ATP5F1E: variants seen among roughly 807,000 people sequenced by gnomAD.
ATP5F1E encodes the protein ATP synthase F(1) complex subunit epsilon, mitochondrial.
Under a neutral mutation model 7.0 loss-of-function variants are expected in ATP5F1E, and 5 were observed. That is an observed-to-expected ratio of 0.71 (90% CI 0.37 to 1.49). The LOEUF (loss-of-function observed/expected upper bound fraction) is 1.49, where lower values mean the gene tolerates loss of function less well. ATP5F1E is among the 40% of genes most tolerant of loss of function. The probability of loss-of-function intolerance (pLI) is 0.03; values close to 1 mark genes in which losing one functional copy is unlikely to be tolerated. For missense variants in ATP5F1E, 59 were observed against 57.1 expected (o/e 1.03, Z -0.11); for synonymous variants, 20 against 20.1 (o/e 0.99, Z 0.02).
At position 59,027,891 on chromosome 20, in the gene ATP5F1E, G is replaced by A. The variant is rs554669166; in HGVS notation, c.*954C>T. ...CAGTGGCCCTGATAAATCATTGTGA[G>A]CTTAAGTACCATGTGAGAACTGATC... is the stretch of plus-strand genomic sequence containing the variant. On this transcript the variant is annotated 3_prime_UTR_variant, in exon 3 of 3. Coordinates refer to ENST00000243997, the MANE Select transcript of ATP5F1E (RefSeq NM_006886.4). 4 of 152,336 alleles carry A rather than the reference G, an allele frequency of 2.6e-5. No homozygotes were observed. Among genetic ancestry groups the A allele is most frequent in the African/African-American group, 9.6e-5 (4 of 41,576 alleles). 9.4% of individuals were successfully genotyped at this position (152,336 alleles called of 1,614,324 possible).
rs1039584741 is a variant in ATP5F1E, at chr20:59,028,726, A to G, written c.*119T>C. 6.0e-6 allele frequency: 1 copy of G among 167,312 alleles called. No individual in the cohort carries two copies. Among genetic ancestry groups the G allele is most frequent in the Non-Finnish European group, 1.5e-5 (1 of 68,278 alleles). The allele number at this position is 167,312 out of a possible 1,614,324, so 10.4% of individuals were successfully genotyped here. A position where few individuals can be genotyped will look rare whatever the true frequency, so the allele number is the denominator to read the frequency against. On this transcript the variant is annotated 3_prime_UTR_variant, in exon 3 of 3. Transcript: ENST00000243997. ...TTCAATTTATTGACATTGTCAATTTATGAACAAGACAGGATTTTTTTTTTT... is the reference window on the plus strand; with the variant it reads ...TTCAATTTATTGACATTGTCAATTTGTGAACAAGACAGGATTTTTTTTTTT...
In ATP5F1E at chr20:59,028,816, G is replaced by A. The variant is rs1191079874; in HGVS notation, c.*29C>T. On this transcript the variant is annotated 3_prime_UTR_variant, in exon 3 of 3. Coordinates refer to ENST00000243997, the MANE Select transcript of ATP5F1E (RefSeq NM_006886.4). Reference sequence around the variant, plus strand: ...GCCCACACATCTTCACCTTGGAAATGTAGCATTTCAAGCTTTAGTCAGGGT... The same window carrying A: ...GCCCACACATCTTCACCTTGGAAATATAGCATTTCAAGCTTTAGTCAGGGT... 6.0e-6 allele frequency: 1 copy of A among 167,106 alleles called. No homozygotes were observed. Among genetic ancestry groups the A allele is most frequent in the Non-Finnish European group, 1.5e-5 (1 of 68,252 alleles). 10.4% of individuals were successfully genotyped at this position (167,106 alleles called of 1,614,324 possible). A position where few individuals can be genotyped will look rare whatever the true frequency, so the allele number is the denominator to read the frequency against.
Position 59,032,265 on chromosome 20 carries a change from C to A in ATP5F1E, c.-14G>T, listed in dbSNP as rs1347128527. ...GTAGGCCACCATGCTGTAGCGAAAG[C>A]GGAGCTCGTCGGGCCGAATCGCCAA... is the stretch of plus-strand genomic sequence containing the variant. On this transcript the variant is annotated 5_prime_UTR_variant, in exon 1 of 3. Transcript: ENST00000243997. 1.9e-6 allele frequency: 3 copies of A among 1,599,224 alleles called. No individual in the cohort carries two copies. The Admixed American group carries it at 5.2e-5, about 28-fold the overall frequency.
At chr20:59,032,151 T>G (rs1280500057) in intron 1 of ATP5F1E, 69 bp downstream of exon 1, 4 of 1,550,634 alleles carry the variant, frequency 2.6e-6, no homozygotes, top group South Asian at 2.4e-5. Flanking sequence ...GTGTCCTGCA[T>G]GACCTCTGGG....
In ATP5F1E at chr20:59,027,327, C is replaced by T. The variant is rs2146380281; in HGVS notation, c.*1518G>A. 1 of 152,146 alleles carries T rather than the reference C, an allele frequency of 6.6e-6. No individual in the cohort carries two copies. The highest frequency in any genetic ancestry group is 2.4e-5 in the African/African-American group (1 of 41,478). 9.4% of individuals were successfully genotyped at this position (152,146 alleles called of 1,614,324 possible). On this transcript the variant is annotated 3_prime_UTR_variant, in exon 3 of 3. Coordinates refer to ENST00000243997, the MANE Select transcript of ATP5F1E (RefSeq NM_006886.4). ...AATAATCTGCCAATATACTACCAAT[C>T]TACCATACCATCTATATACCAGTAA...
intron 1 of ATP5F1E, among the ~76,000 whole-genome samples, chr20:59,030,899 T>C (rs2092023674): frequency 6.6e-6 from 1 of 152,248 alleles, no homozygotes; most frequent in African/African-American, 2.4e-5. Flanking sequence ...TTCTAAATTA[T>C]TTAAACTCTT....
intron 2 of ATP5F1E, chr20:59,029,369 CA>C (rs1370203649): frequency 1.3e-5 from 2 of 152,180 alleles, no homozygotes; most frequent in Admixed American, 6.5e-5. Flanking sequence ...AAATTCAAAA[CA>C]CTGCATCTCC....
Position 59,031,916 on chromosome 20 carries a change from A to G in ATP5F1E, c.32+304T>C, listed in dbSNP as rs151354. Among the ~76,000 whole-genome samples the G allele has an allele frequency of 0.24, 35,788 of 152,236 alleles. 4,344 individuals are homozygous for G. The highest frequency in any genetic ancestry group is 0.26 in the African/African-American group (10,676 of 41,536). On this transcript the variant is annotated intron_variant, in intron 1 of 2. Coordinates refer to ENST00000243997, the MANE Select transcript of ATP5F1E (RefSeq NM_006886.4). ...CCATTCTAGAAGAAAAAGGTTTGCTAAATAAGAGCTGGCCTCTCTCTCGAG... is the reference window on the plus strand; with the variant it reads ...CCATTCTAGAAGAAAAAGGTTTGCTGAATAAGAGCTGGCCTCTCTCTCGAG...
At chr20:59,029,408 C>A (rs1167359327) in intron 2 of ATP5F1E, 1 of 152,124 alleles carries the variant, frequency 6.6e-6, no homozygotes, top group Admixed American at 6.5e-5. Flanking sequence ...TTTACTAATT[C>A]AAAATGAAAA....
intron 2 of ATP5F1E, chr20:59,030,051 C>T: frequency 2.6e-6 from 1 of 388,996 alleles, no homozygotes; most frequent in Non-Finnish European, 4.9e-6. Flanking sequence ...GGCTCTCTAC[C>T]TAAGCATTGC....
At position 59,030,291 on chromosome 20, in the gene ATP5F1E, T is replaced by C; in HGVS notation, c.*3+12A>G. 1 of 1,613,036 alleles carries C rather than the reference T, an allele frequency of 6.2e-7. No individual in the cohort carries two copies. Among genetic ancestry groups the C allele is most frequent in the Non-Finnish European group, 8.5e-7 (1 of 1,179,384 alleles). ...AGATGCAACTGTTCTTCTAAATAAA[T>C]CCATAACTTACAGATTATTCCTTCT... On this transcript the variant is annotated intron_variant, in intron 2 of 2. Transcript: ENST00000243997.
chr20:59,029,015 G>T (rs1442483842), intron 2 of ATP5F1E, 174 bp from the exon 3 acceptor site: 1 of 153,066 alleles, frequency 6.5e-6, no homozygotes, highest in South Asian at 2.1e-4. Flanking sequence ...GCTTAGTCAA[G>T]CAGGCATTTT....
In ATP5F1E at chr20:59,028,401, C is replaced by T. The variant is rs564416868; in HGVS notation, c.*444G>A. On this transcript the variant is annotated 3_prime_UTR_variant, in exon 3 of 3. Transcript: ENST00000243997. ...ACTTTTAGTATTTAATAATTATTTC[C>T]ATTTGTTACTGATAACCATGTCATT... 6.6e-6 allele frequency: 1 copy of T among 152,238 alleles called. No homozygotes were observed. Among genetic ancestry groups the T allele is most frequent in the East Asian group, 1.9e-4 (1 of 5,188 alleles). The allele number at this position is 152,238 out of a possible 1,614,324, so 9.4% of individuals were successfully genotyped here. A position where few individuals can be genotyped will look rare whatever the true frequency, so the allele number is the denominator to read the frequency against.
Position 59,032,299 on chromosome 20 carries a change from C to T in ATP5F1E, c.-48G>A. 1 of 1,584,414 alleles carries T rather than the reference C, an allele frequency of 6.3e-7. No individual in the cohort carries two copies. Among genetic ancestry groups the T allele is most frequent in the African/African-American group, 1.3e-5 (1 of 74,718 alleles). ...TCGGGCCGAATCGCCAAGACGCCGGCAATGTCGGCTCAGCCGGGCGGTTCA... is the reference window on the plus strand; with the variant it reads ...TCGGGCCGAATCGCCAAGACGCCGGTAATGTCGGCTCAGCCGGGCGGTTCA... On this transcript the variant is annotated 5_prime_UTR_variant, in exon 1 of 3. Transcript: ENST00000243997.
intron 2 of ATP5F1E, chr20:59,030,058 T>C (rs1206088320): frequency 2.5e-6 from 1 of 396,696 alleles, no homozygotes; most frequent in South Asian, 2.1e-5. Flanking sequence ...TACCTAAGCA[T>C]TGCTAAATGA....
At position 59,027,882 on chromosome 20, in the gene ATP5F1E, T is replaced by C. The variant is rs2092002813; in HGVS notation, c.*963A>G. 1 of 152,238 alleles carries C rather than the reference T, an allele frequency of 6.6e-6. No homozygotes were observed. The highest frequency in any genetic ancestry group is 1.5e-5 in the Non-Finnish European group (1 of 68,048). 9.4% of individuals were successfully genotyped at this position (152,238 alleles called of 1,614,324 possible). A position where few individuals can be genotyped will look rare whatever the true frequency, so the allele number is the denominator to read the frequency against. On this transcript the variant is annotated 3_prime_UTR_variant, in exon 3 of 3. Coordinates refer to ENST00000243997, the MANE Select transcript of ATP5F1E (RefSeq NM_006886.4). ...CATTGCTGACAGTGGCCCTGATAAATCATTGTGAGCTTAAGTACCATGTGA... is the reference window on the plus strand; with the variant it reads ...CATTGCTGACAGTGGCCCTGATAAACCATTGTGAGCTTAAGTACCATGTGA...
rs2092000280 is a variant in ATP5F1E, at chr20:59,027,435, C to G, written c.*1410G>C. On this transcript the variant is annotated 3_prime_UTR_variant, in exon 3 of 3. Coordinates refer to ENST00000243997, the MANE Select transcript of ATP5F1E (RefSeq NM_006886.4). ...GCAATCTACTATGCCATCTATATAC[C>G]AATAATACCCCATCTGCCTCCTTAA... The G allele has an allele frequency of 6.6e-6, 1 of 151,936 alleles. No individual in the cohort carries two copies. The highest frequency in any genetic ancestry group is 1.5e-5 in the Non-Finnish European group (1 of 67,952). The allele number at this position is 151,936 out of a possible 1,614,324, so 9.4% of individuals were successfully genotyped here. A position where few individuals can be genotyped will look rare whatever the true frequency, so the allele number is the denominator to read the frequency against.
chr20:59,029,853 T>G (rs973875919), intron 2 of ATP5F1E: 1 of 213,124 alleles, frequency 4.7e-6, no homozygotes, highest in South Asian at 6.9e-5. Flanking sequence ...CTGTAGTTAT[T>G]ATGTTCGGGA....
Position 59,026,707 on chromosome 20 carries a change from T to C in ATP5F1E, c.*2138A>G, listed in dbSNP as rs1348441855. 6.6e-6 allele frequency: 1 copy of C among 152,228 alleles called. No homozygotes were observed. The highest frequency in any genetic ancestry group is 6.5e-5 in the Admixed American group (1 of 15,282). The allele number at this position is 152,228 out of a possible 1,614,324, so 9.4% of individuals were successfully genotyped here. On this transcript the variant is annotated 3_prime_UTR_variant, in exon 3 of 3. Transcript: ENST00000243997. ...TTAGAAATGCATCTCACCATCCTAC[T>C]CTTTCGTATGGTAGAAATAGATGTA...
Sources: gnomAD v4.1 joint callset for allele counts (sites outside exome capture counted in the v4.1 genomes callset) on GRCh38, gnomAD v4.1.1 for gene constraint, MANE v1.5 for transcripts, NCBI Gene and HGNC (gene_info 2026-07-23, HGNC 2026-07-21) for gene names.